The following SHISA6 variants were observed in gnomAD, a reference collection of about 807,000 sequenced individuals.
The protein encoded by SHISA6 is protein shisa-6.
In SHISA6, 22 loss-of-function variants were observed where a neutral mutation model predicts 47.9. The ratio of observed to expected loss-of-function variants is 0.46; its 90% CI spans 0.33 to 0.66. SHISA6 has a LOEUF of 0.66. Among genes scored for constraint, SHISA6 ranks in the 30% least tolerant of loss-of-function variants. The pLI is 0.02. For missense variants in SHISA6, 680 were observed against 764.6 expected (o/e 0.89, Z 1.30); for synonymous variants, 388 against 337.8 (o/e 1.15, Z -1.63).
rs1287734569 is a variant in SHISA6 at position 11,395,763 on chromosome 17, C to T, written c.895+16254C>T. On this transcript the variant is annotated intron_variant, in intron 3 of 5. Coordinates refer to ENST00000441885, the MANE Select transcript of SHISA6 (RefSeq NM_207386.4). ...GAACTCCTGATCTCAAGTGATCTAC[C>T]AGCCTCGGCCTCCCAAAGTGCTGGG... Among the ~76,000 whole-genome samples, 3 of 152,246 alleles carry T rather than the reference C, an allele frequency of 2.0e-5. No homozygotes were observed. The East Asian group carries it at 5.8e-4, about 29-fold the overall frequency.
chr17:11,435,123 C>T (rs2142292743), intron 3 of SHISA6, among the ~76,000 whole-genome samples: 1 of 112,480 alleles, frequency 8.9e-6, no homozygotes, highest in Non-Finnish European at 1.8e-5. Flanking sequence ...CTGTCTTTCT[C>T]TCTCTCTCTG....
At chr17:11,499,489 T>G (rs1419989848) in intron 3 of SHISA6, among the ~76,000 whole-genome samples, 1 of 152,062 alleles carries the variant, frequency 6.6e-6, no homozygotes, top group East Asian at 1.9e-4. Flanking sequence ...CAAATATCTC[T>G]CTTCCTTAGC....
rs1033173599 is a variant in SHISA6, at chr17:11,242,208, C to T, written c.638+148C>T. On this transcript the variant is annotated intron_variant, in intron 1 of 5. Coordinates refer to ENST00000441885, the MANE Select transcript of SHISA6 (RefSeq NM_207386.4). ...ATCGCTCCTTTTGCATGCAATAAAT[C>T]AGGGTCTTCTTGTGCCCCCTCCTCC... 2.4e-5 allele frequency: 27 copies of T among 1,135,992 alleles called. No homozygotes were observed. The African/African-American group carries it at 3.9e-4, about 17-fold the overall frequency. The allele number at this position is 1,135,992 out of a possible 1,614,324, so 70.4% of individuals were successfully genotyped here.
At chr17:11,293,210 G>A (rs1239375875) in intron 2 of SHISA6, among the ~76,000 whole-genome samples, 1 of 152,106 alleles carries the variant, frequency 6.6e-6, no homozygotes, top group Non-Finnish European at 1.5e-5. Flanking sequence ...TTCTAAAGAT[G>A]GCCAATATGG....
intron 3 of SHISA6, among the ~76,000 whole-genome samples, chr17:11,527,589 T>C (rs577318367): frequency 6.6e-6 from 1 of 152,252 alleles, no homozygotes; most frequent in East Asian, 1.9e-4. Context: ...GTCTGGGTAA[T>C]TACTGCCACA....
chr17:11,430,959 C>T (rs952689738), intron 3 of SHISA6, among the ~76,000 whole-genome samples: 12 of 152,182 alleles, frequency 7.9e-5, no homozygotes, highest in Non-Finnish European at 1.6e-4. Flanking sequence ...ACGGAGGAGC[C>T]TTTGTGGCTG....
chr17:11,413,735 G>A (rs1914202733), intron 3 of SHISA6, among the ~76,000 whole-genome samples: 1 of 152,150 alleles, frequency 6.6e-6, no homozygotes, highest in Non-Finnish European at 1.5e-5. Flanking sequence ...TCCAAAGGAG[G>A]GCAGAGCCAT....
rs1192425552 is a variant in SHISA6, at chr17:11,560,582, GAAT to G, written c.*2279_*2281del. 6.6e-6 allele frequency: 1 copy of G among 152,354 alleles called. No homozygotes were observed. The highest frequency in any genetic ancestry group is 6.5e-5 in the Admixed American group (1 of 15,288). The allele number at this position is 152,354 out of a possible 1,614,324, so 9.4% of individuals were successfully genotyped here. On this transcript the variant is annotated 3_prime_UTR_variant, in exon 6 of 6. Coordinates refer to ENST00000441885, the MANE Select transcript of SHISA6 (RefSeq NM_207386.4). ...GAGGGGAAAGGACCTGAGTGGCTGA[GAAT>G]GCCCTTCCCAGGTGTCTACATGCAG...
At chr17:11,414,943 G>A (rs572774714) in intron 3 of SHISA6, among the ~76,000 whole-genome samples, 142 of 152,040 alleles carry the variant, frequency 9.3e-4, no homozygotes, top group Middle Eastern at 3.4e-3. Context: ...AAAATTAGCC[G>A]GGCGTGGTGG....
chr17:11,550,348 C>A (rs1227113599), intron 3 of SHISA6, among the ~76,000 whole-genome samples: 1 of 152,152 alleles, frequency 6.6e-6, no homozygotes, highest in African/African-American at 2.4e-5. Flanking sequence ...AGCCACTGCG[C>A]CCGGCCCTGT....
chr17:11,502,494 G>T (rs548350934), intron 3 of SHISA6, among the ~76,000 whole-genome samples: 1 of 150,108 alleles, frequency 6.7e-6, no homozygotes, highest in Non-Finnish European at 1.5e-5. Context: ...TTGGGAGGCC[G>T]AGACAGGTGG....
chr17:11,493,856 G>A lies in SHISA6; in HGVS notation c.896-58040G>A, dbSNP rs572209945. On this transcript the variant is annotated intron_variant, in intron 3 of 5. Coordinates refer to ENST00000441885, the MANE Select transcript of SHISA6 (RefSeq NM_207386.4). ...AAAGGAAATGTTTTGTGTACAATTT[G>A]TACACGCACAAAGTCATTTTAAAAT... Among the ~76,000 whole-genome samples the A allele has an allele frequency of 3.9e-5, 6 of 152,106 alleles. No individual in the cohort carries two copies. The East Asian group carries it at 1.2e-3, about 29-fold the overall frequency.
chr17:11,507,665 G>A (rs927172757), intron 3 of SHISA6, among the ~76,000 whole-genome samples: 1 of 152,190 alleles, frequency 6.6e-6, no homozygotes, highest in African/African-American at 2.4e-5. Flanking sequence ...TACTTGAGAA[G>A]AGCATTTGGA....
chr17:11,241,480 C>A lies in SHISA6; in HGVS notation c.58C>A (p.Leu20Met). ...LLLSLESLDL[L>M]PSVHGARGRA... ...GCTCTCGCTGGAGTCCCTGGACCTG[C>A]TGCCCAGCGTCCACGGAGCCCGCGG... Residue 20 changes from leucine (L) to methionine (M), a missense_variant, in exon 1 of 6, where the codon CTG becomes ATG. This residue lies in a region of SHISA6 where 121 missense variants were observed against 90.5 expected (regional missense o/e 1.34). Coordinates refer to ENST00000441885, the MANE Select transcript of SHISA6 (RefSeq NM_207386.4). This position sits in a 1 kb window ranked among gnomAD's most constrained non-coding sequence, Gnocchi z 5.5. 1 of 1,189,396 alleles carries A rather than the reference C, an allele frequency of 8.4e-7. No individual in the cohort carries two copies. Among genetic ancestry groups the A allele is most frequent in the Non-Finnish European group, 1.1e-6 (1 of 945,958 alleles). 73.7% of individuals were successfully genotyped at this position (1,189,396 alleles called of 1,614,324 possible).
chr17:11,252,052 T>G (rs566930412), intron 1 of SHISA6, among the ~76,000 whole-genome samples: 19 of 152,148 alleles, frequency 1.2e-4, no homozygotes, highest in Non-Finnish European at 2.2e-4. Context: ...TCCCGCTCCC[T>G]GTTTTCATCC....
At chr17:11,454,200 G>A (rs1331314131) in intron 3 of SHISA6, among the ~76,000 whole-genome samples, 1 of 151,966 alleles carries the variant, frequency 6.6e-6, no homozygotes, top group East Asian at 1.9e-4. Context: ...ATCTATTTCT[G>A]CACATCTTCA....
intron 3 of SHISA6, among the ~76,000 whole-genome samples, chr17:11,430,508 TG>T (rs1158808516): frequency 6.6e-6 from 1 of 152,158 alleles, no homozygotes; most frequent in African/African-American, 2.4e-5. Context: ...TTTGGAGTCA[TG>T]GGGGGTTTGG....
intron 3 of SHISA6, among the ~76,000 whole-genome samples, chr17:11,474,887 C>G (rs1432884045): frequency 6.6e-6 from 1 of 152,094 alleles, no homozygotes; most frequent in African/African-American, 2.4e-5. Flanking sequence ...CACAAAATAA[C>G]TTGGTGGGAT....
In SHISA6 at chr17:11,241,484, C is replaced by A; in HGVS notation, c.62C>A (p.Pro21His). ...TCGCTGGAGTCCCTGGACCTGCTGC[C>A]CAGCGTCCACGGAGCCCGCGGCCGC... ...LLSLESLDLL[P>H]SVHGARGRAA... The change falls in exon 1 of 6, where the codon CCC becomes CAC. Residue 21 changes from proline to histidine, a missense_variant. Pro to His is a moderately conservative substitution (Grantham distance 77, BLOSUM62 -2). Coordinates refer to ENST00000441885, the MANE Select transcript of SHISA6 (RefSeq NM_207386.4). This position sits in a 1 kb window ranked among gnomAD's most constrained non-coding sequence, Gnocchi z 5.5. The A allele has an allele frequency of 8.5e-7, 1 of 1,180,398 alleles. No homozygotes were observed. The highest frequency in any genetic ancestry group is 3.6e-5 in the Admixed American group (1 of 27,812). The allele number at this position is 1,180,398 out of a possible 1,614,324, so 73.1% of individuals were successfully genotyped here. A position where few individuals can be genotyped will look rare whatever the true frequency, so the allele number is the denominator to read the frequency against.
Sources: gnomAD v4.1 joint callset for allele counts (sites outside exome capture counted in the v4.1 genomes callset) on GRCh38, gnomAD v4.1.1 for gene constraint, gnomAD v4.1.1 regional missense constraint, Gnocchi (gnomAD v3.1) non-coding constraint, MANE v1.5 for transcripts, NCBI Gene and HGNC (gene_info 2026-07-23, HGNC 2026-07-21) for gene names.